SLCO1A2: variants seen among roughly 807,000 people sequenced by gnomAD.
SLCO1A2 encodes the protein OATP-1.
Under a neutral mutation model 69.0 loss-of-function variants are expected in SLCO1A2, and 67 were observed. The observed-to-expected ratio is 0.97, with a 90% CI of 0.80 to 1.19. The LOEUF (loss-of-function observed/expected upper bound fraction) is 1.19. Among genes scored for constraint, SLCO1A2 ranks in the 50% most tolerant of loss-of-function variants. The pLI, the probability that SLCO1A2 is intolerant of heterozygous loss-of-function variation, is 0.00. For synonymous variants in SLCO1A2, 260 were observed against 265.9 expected, an observed-to-expected ratio of 0.98 and a Z score of 0.22; for missense variants, 787 against 793.7, an observed-to-expected ratio of 0.99 and a Z score of 0.10.
Position 21,293,566 on chromosome 12 carries a change from A to AT in SLCO1A2, c.1437+378_1437+379insA, listed in dbSNP as rs1555110139. Among the ~76,000 whole-genome samples, 851 of 104,812 alleles carry AT rather than the reference A, an allele frequency of 8.1e-3. 9 individuals carry two copies. Among genetic ancestry groups the AT allele is most frequent in the African/African-American group, 0.039 (797 of 20,618 alleles). 68.8% of individuals were successfully genotyped at this position (104,812 alleles called of 152,430 possible). A position where few individuals can be genotyped will look rare whatever the true frequency, so the allele number is the denominator to read the frequency against. On this transcript the variant is annotated intron_variant, in intron 11 of 14. Coordinates refer to ENST00000683939, the MANE Select transcript of SLCO1A2 (RefSeq NM_001386879.1). ...GCACATCCATACATATACACAGAAA[A>AT]ATATATATATATGTGTGTATATATA...
rs1405539646 is a variant in SLCO1A2 at position 21,267,080 on chromosome 12, C to T, written c.*2468G>A. The T allele has an allele frequency of 6.6e-6, 1 of 151,930 alleles. No individual in the cohort carries two copies. The highest frequency in any genetic ancestry group is 1.5e-5 in the Non-Finnish European group (1 of 67,976). The allele number at this position is 151,930 out of a possible 1,614,324, so 9.4% of individuals were successfully genotyped here. A position where few individuals can be genotyped will look rare whatever the true frequency, so the allele number is the denominator to read the frequency against. ...AGTGCTCAGAATAAGAACTAAACTCCCAGGCTTCATGTATACCAACAAAAG... is the reference window on the plus strand; with the variant it reads ...AGTGCTCAGAATAAGAACTAAACTCTCAGGCTTCATGTATACCAACAAAAG... On this transcript the variant is annotated 3_prime_UTR_variant, in exon 15 of 15. Coordinates refer to ENST00000683939, the MANE Select transcript of SLCO1A2 (RefSeq NM_001386879.1).
At chr12:21,347,645 G>A (rs1953303418) in intron 2 of SLCO1A2, among the ~76,000 whole-genome samples, 1 of 65,520 alleles carries the variant, frequency 1.5e-5, no homozygotes, top group Non-Finnish European at 3.5e-5. Flanking sequence ...TCCAACTCTG[G>A]AAAGAAGGAA....
chr12:21,272,901 G>T lies in SLCO1A2; in HGVS notation c.1793+1568C>A, dbSNP rs374232378. On this transcript the variant is annotated intron_variant, in intron 14 of 14. Transcript: ENST00000683939. ...TTTTAGGAAAATGTAAAGGTAATCA[G>T]AAGTTTGTTCTCAAGAACTGTAAAA... Among the ~76,000 whole-genome samples the T allele has an allele frequency of 9.2e-5, 14 of 152,248 alleles. 1 individual carries two copies. Among genetic ancestry groups the T allele is most frequent in the African/African-American group, 3.4e-4 (14 of 41,548 alleles).
At chr12:21,415,047 G>A (rs1941968139) in intron 1 of SLCO1A2, among the ~76,000 whole-genome samples, 2 of 151,520 alleles carry the variant, frequency 1.3e-5, no homozygotes, top group South Asian at 2.1e-4. Context: ...TTATCTTTTT[G>A]GTACACATTT....
chr12:21,333,302 A>G (rs1172815835), intron 2 of SLCO1A2, among the ~76,000 whole-genome samples: 1 of 152,130 alleles, frequency 6.6e-6, no homozygotes, highest in African/African-American at 2.4e-5. Context: ...TCGCAGAGTG[A>G]AAGAAATCAG....
chr12:21,339,132 A>G (rs1009058996), upstream of SLCO1A2, among the ~76,000 whole-genome samples: 1 of 152,040 alleles, frequency 6.6e-6, no homozygotes, highest in African/African-American at 2.4e-5. Flanking sequence ...TCTGTCAATG[A>G]CAGTGATTAC....
intron 2 of SLCO1A2, among the ~76,000 whole-genome samples, chr12:21,329,526 A>T (rs1303346079): frequency 1.3e-5 from 2 of 151,012 alleles, no homozygotes; most frequent in African/African-American, 2.4e-5. Context: ...ATTAGTTTGC[A>T]TCTCCTTATG....
intron 2 of SLCO1A2, among the ~76,000 whole-genome samples, chr12:21,321,100 AGCTAT>A (rs1199881812): frequency 6.6e-6 from 1 of 152,124 alleles, no homozygotes; most frequent in Non-Finnish European, 1.5e-5. Context: ...CAAATCCACA[AGCTAT>A]GTCTGAATTA....
chr12:21,395,884 A>G (rs1364056061), upstream of SLCO1A2, among the ~76,000 whole-genome samples: 1 of 151,836 alleles, frequency 6.6e-6, no homozygotes, highest in Non-Finnish European at 1.5e-5. Context: ...CATCACCATC[A>G]TCAAAGACCA....
At chr12:21,378,307 C>T (rs369714240) in intron 1 of SLCO1A2, 4 of 1,614,164 alleles carry the variant, frequency 2.5e-6, no homozygotes, top group Non-Finnish European at 2.5e-6. Flanking sequence ...TTTTTTAGTT[C>T]ATTCCAGCAA....
chr12:21,396,242 C>T (rs1309219876), upstream of SLCO1A2, among the ~76,000 whole-genome samples: 5 of 150,604 alleles, frequency 3.3e-5, no homozygotes, highest in Admixed American at 1.3e-4. Flanking sequence ...CCTCAGGAGC[C>T]GATGCGATCA....
rs11568553 is a variant in SLCO1A2, at chr12:21,300,428, G to T, written c.830C>A (p.Thr277Asn). ...PNTLPKEGLE[T>N]NADIIKNENE... ...TTCATTTTTAATGATGTCAGCATTA[G>T]TCTCTAGTCCTTCCTTTGGAAGTGT... The change falls in exon 8 of 15, where the codon ACT (threonine) becomes AAT (asparagine). Residue 277 changes from threonine to asparagine, a missense_variant. Physicochemically the swap from Thr to Asn is moderately conservative, Grantham distance 65. Transcript: ENST00000683939. 1.2e-6 allele frequency: 2 copies of T among 1,613,110 alleles called. No individual in the cohort carries two copies. Among genetic ancestry groups the T allele is most frequent in the African/African-American group, 2.7e-5 (2 of 74,728 alleles).
chr12:21,397,165 A>G (rs1221054539), upstream of SLCO1A2, among the ~76,000 whole-genome samples: 1 of 151,922 alleles, frequency 6.6e-6, no homozygotes, highest in Non-Finnish European at 1.5e-5. Flanking sequence ...TCAAAATAAA[A>G]GGATGGAGGA....
At chr12:21,395,744 C>T (rs1353540140), upstream of SLCO1A2, among the ~76,000 whole-genome samples, 1 of 152,140 alleles carries the variant, frequency 6.6e-6, no homozygotes, top group African/African-American at 2.4e-5. Context: ...AACTGGGAGG[C>T]ACCCCCCAGC....
At chr12:21,272,573 T>C (rs1263022843) in intron 14 of SLCO1A2, among the ~76,000 whole-genome samples, 1 of 152,082 alleles carries the variant, frequency 6.6e-6, no homozygotes, top group Non-Finnish European at 1.5e-5. Context: ...TTATATTTTG[T>C]TGAAATCATT....
At chr12:21,292,499 G>T (rs1947031784) in intron 11 of SLCO1A2, among the ~76,000 whole-genome samples, 163 bp from the exon 12 acceptor site, 1 of 151,946 alleles carries the variant, frequency 6.6e-6, no homozygotes, top group Non-Finnish European at 1.5e-5. Flanking sequence ...AAACTGGAAG[G>T]GTGATTTCAG....
chr12:21,362,309 C>T (rs565716075), intron 2 of SLCO1A2, among the ~76,000 whole-genome samples: 27 of 152,162 alleles, frequency 1.8e-4, no homozygotes, highest in African/African-American at 5.8e-4. Context: ...AAGCTTCATA[C>T]GTGATGGAGA....
chr12:21,414,089 C>T (rs1941953677), intron 1 of SLCO1A2, among the ~76,000 whole-genome samples: 1 of 151,630 alleles, frequency 6.6e-6, no homozygotes, highest in African/African-American at 2.4e-5. Flanking sequence ...ACTAAGAAAA[C>T]TAACACTTTG....
intron 2 of SLCO1A2, among the ~76,000 whole-genome samples, chr12:21,359,469 C>T (rs1938642383): frequency 6.6e-6 from 1 of 152,088 alleles, no homozygotes; most frequent in African/African-American, 2.4e-5. Flanking sequence ...TGGGAGTCTC[C>T]CAGATAAATG....
Sources: allele counts gnomAD v4.1 joint callset (sites outside exome capture counted in the v4.1 genomes callset), GRCh38; gene constraint gnomAD v4.1.1; transcripts MANE v1.5; gene names NCBI Gene and HGNC (gene_info 2026-07-23, HGNC 2026-07-21).